Variants in WWOX observed in about 807,000 individuals in gnomAD.
The protein encoded by WWOX is WW domain-containing oxidoreductase.
Under a neutral mutation model 46.2 loss-of-function variants are expected in WWOX, and 69 were observed. That is an observed-to-expected ratio of 1.49 (90% CI 1.23 to 1.82). The LOEUF is 1.82. Among genes scored for constraint, WWOX ranks in the 40% most tolerant of loss-of-function variants. The pLI, the probability that WWOX is intolerant of heterozygous loss-of-function variation, is 0.00. For synonymous variants in WWOX, 359 were observed against 202.6 expected (o/e 1.77, Z -6.56); for missense variants, 919 against 542.6 (o/e 1.69, Z -6.89).
chr16:78,799,068 T>TAGA, intron 8 of WWOX, among the ~76,000 whole-genome samples: 1 of 152,350 alleles, frequency 6.6e-6, no homozygotes, highest in East Asian at 1.9e-4. Context: ...ACCTTGTCAA[T>TAGA]CCATTTTGTC....
chr16:78,577,498 C>G (rs1384334118), intron 8 of WWOX, among the ~76,000 whole-genome samples: 1 of 152,190 alleles, frequency 6.6e-6, no homozygotes, highest in Non-Finnish European at 1.5e-5. Flanking sequence ...GAAGTTCATG[C>G]AGCCCTGGGT....
chr16:78,447,781 A>G (rs1425586209), intron 8 of WWOX, among the ~76,000 whole-genome samples: 1 of 152,182 alleles, frequency 6.6e-6, no homozygotes, highest in East Asian at 1.9e-4. Context: ...GCAGCCAAGG[A>G]AAGCAGAAGA....
At chr16:78,742,037 T>A (rs2049240990) in intron 8 of WWOX, among the ~76,000 whole-genome samples, 1 of 152,196 alleles carries the variant, frequency 6.6e-6, no homozygotes, top group Non-Finnish European at 1.5e-5. Context: ...ATGTATAGTT[T>A]CAACCTGGCA....
At chr16:78,511,605 G>T (rs1057513243) in intron 8 of WWOX, among the ~76,000 whole-genome samples, 1 of 152,104 alleles carries the variant, frequency 6.6e-6, no homozygotes, top group Admixed American at 6.5e-5. Context: ...TGTTATTCTC[G>T]TTGAGTACTG....
At chr16:78,700,023 A>G (rs907776553) in intron 8 of WWOX, among the ~76,000 whole-genome samples, 2 of 151,912 alleles carry the variant, frequency 1.3e-5, no homozygotes, top group African/African-American at 2.4e-5. Context: ...CGGTGGGTGG[A>G]TACTTACAAC....
intron 8 of WWOX, among the ~76,000 whole-genome samples, chr16:78,442,958 C>G (rs1001485368): frequency 2.6e-5 from 4 of 151,418 alleles, no homozygotes; most frequent in African/African-American, 9.7e-5. Flanking sequence ...CTGTCTCTAC[C>G]AAAAATACAA....
chr16:78,769,459 G>C lies in WWOX; in HGVS notation c.1056+336707G>C, dbSNP rs534356696. On this transcript the variant is annotated intron_variant, in intron 8 of 8. Transcript: ENST00000566780. ...TCGTGGTAAACAAAGCAAAGTCCTTGCTTGCATTCTGTGACAGATGGAGAT... is the reference window on the plus strand; with the variant it reads ...TCGTGGTAAACAAAGCAAAGTCCTTCCTTGCATTCTGTGACAGATGGAGAT... Among the ~76,000 whole-genome samples, 7 of 152,156 alleles carry C rather than the reference G, an allele frequency of 4.6e-5. No individual in the cohort carries two copies. The East Asian group carries it at 1.2e-3, about 25-fold the overall frequency.
At chr16:78,587,443 T>G (rs2151597219) in intron 8 of WWOX, among the ~76,000 whole-genome samples, 1 of 152,232 alleles carries the variant, frequency 6.6e-6, no homozygotes, top group African/African-American at 2.4e-5. Context: ...CTCTTACAGA[T>G]TTTTATCATC....
At chr16:78,631,950 G>C (rs900202194) in intron 8 of WWOX, among the ~76,000 whole-genome samples, 1 of 148,540 alleles carries the variant, frequency 6.7e-6, no homozygotes, top group African/African-American at 2.6e-5. Context: ...GTGATTGGAG[G>C]TGGTTTATTT....
chr16:78,915,362 C>G lies in WWOX; in HGVS notation c.1057-296246C>G, dbSNP rs552633940. Among the ~76,000 whole-genome samples the G allele has an allele frequency of 3.3e-4, 51 of 152,278 alleles. 2 individuals carry two copies. In the South Asian group the frequency reaches 0.01, roughly 31 times the overall value. On this transcript the variant is annotated intron_variant, in intron 8 of 8. Coordinates refer to ENST00000566780, the MANE Select transcript of WWOX (RefSeq NM_016373.4). The stretch of plus-strand genomic sequence containing the variant: ...TGTCTGCGATTCAAAAGACCCCTTT[C>G]ACGGGAGGCTGGGAGATTTTTCCAT...
intron 8 of WWOX, chr16:78,780,572 C>G (rs531110518): frequency 1.3e-5 from 2 of 152,280 alleles, no homozygotes; most frequent in South Asian, 2.1e-4. Context: ...AGAAATTAAA[C>G]TGGTCCTTGT....
At chr16:78,519,006 G>T (rs563012043) in intron 8 of WWOX, among the ~76,000 whole-genome samples, 1 of 152,304 alleles carries the variant, frequency 6.6e-6, no homozygotes, top group African/African-American at 2.4e-5. Context: ...CTCACCTACT[G>T]GCAAGTGGAT....
chr16:78,219,358 C>T (rs761670590), intron 5 of WWOX, among the ~76,000 whole-genome samples: 4 of 152,226 alleles, frequency 2.6e-5, no homozygotes, highest in East Asian at 1.9e-4. Flanking sequence ...GAGAAAAAGT[C>T]GTAGGTTATG....
chr16:78,714,622 T>C (rs879801840), intron 8 of WWOX, among the ~76,000 whole-genome samples: 2 of 152,000 alleles, frequency 1.3e-5, no homozygotes, highest in Non-Finnish European at 2.9e-5. Context: ...TACTTAAAAG[T>C]GTGGAAGCAG....
chr16:78,111,570 A>T (rs967616680), intron 3 of WWOX, among the ~76,000 whole-genome samples: 5 of 152,098 alleles, frequency 3.3e-5, no homozygotes, highest in Non-Finnish European at 5.9e-5. Context: ...CGCGAAAGGG[A>T]GTCTCCTTTC....
At chr16:78,365,388 C>T (rs1293073947) in intron 5 of WWOX, among the ~76,000 whole-genome samples, 2 of 152,166 alleles carry the variant, frequency 1.3e-5, no homozygotes, top group African/African-American at 4.8e-5. Flanking sequence ...GAAATATTTA[C>T]ATCCGTCTAA....
At chr16:78,205,861 C>CTTCT (rs1344122677) in intron 5 of WWOX, among the ~76,000 whole-genome samples, 1 of 151,654 alleles carries the variant, frequency 6.6e-6, no homozygotes, top group Non-Finnish European at 1.5e-5. Context: ...TCCTTCCTTC[C>CTTCT]TTCCTTCCGT....
intron 4 of WWOX, among the ~76,000 whole-genome samples, chr16:78,134,164 T>G (rs2033708672): frequency 6.6e-6 from 1 of 152,210 alleles, no homozygotes; most frequent in African/African-American, 2.4e-5. Flanking sequence ...AATATTAGCA[T>G]TGGATTTTAG....
intron 8 of WWOX, among the ~76,000 whole-genome samples, chr16:78,722,698 G>GTTTTTTTTT (rs56266240): frequency 8.6e-6 from 1 of 116,304 alleles, no homozygotes; most frequent in Non-Finnish European, 1.7e-5. Flanking sequence ...GTTTGTCTCT[G>GTTTTTTTTT]TTTTTTTTTT....
Sources: allele counts gnomAD v4.1 joint callset (sites outside exome capture counted in the v4.1 genomes callset), GRCh38; gene constraint gnomAD v4.1.1; transcripts MANE v1.5; gene names NCBI Gene and HGNC (gene_info 2026-07-23, HGNC 2026-07-21).